Variants in STX8 observed in about 807,000 individuals in gnomAD.
STX8 encodes syntaxin 8, also known as syntaxin-8.
Under a neutral mutation model 37.5 loss-of-function variants are expected in STX8, and 23 were observed. The ratio of observed to expected loss-of-function variants is 0.61; its 90% CI spans 0.44 to 0.87. The LOEUF is 0.87. Ranked by LOEUF, STX8 falls within the 40% of genes least tolerant of loss-of-function variation. The probability of loss-of-function intolerance (pLI) is 0.00; values close to 1 mark genes in which losing one functional copy is unlikely to be tolerated. For missense variants in STX8, 313 were observed against 284.7 expected, an observed-to-expected ratio of 1.10 and a Z score of -0.71; for synonymous variants, 115 against 99.1, an observed-to-expected ratio of 1.16 and a Z score of -0.95.
chr17:9,566,725 T>C (rs541303485), intron 2 of STX8, among the ~76,000 whole-genome samples: 2 of 151,726 alleles, frequency 1.3e-5, no homozygotes, highest in South Asian at 2.1e-4. Context: ...AGGCAGAGGA[T>C]GCAGTGAGCC....
intron 6 of STX8, among the ~76,000 whole-genome samples, chr17:9,463,604 T>A (rs2142424476): frequency 6.6e-6 from 1 of 152,124 alleles, no homozygotes; most frequent in South Asian, 2.1e-4. Flanking sequence ...AAACTCCGTC[T>A]CTACTAAAAA....
chr17:9,524,638 C>T (rs564298171), intron 4 of STX8, among the ~76,000 whole-genome samples: 2 of 152,270 alleles, frequency 1.3e-5, no homozygotes, highest in East Asian at 3.9e-4. Flanking sequence ...TCAAGACATA[C>T]AAAAGTCAAG....
intron 6 of STX8, among the ~76,000 whole-genome samples, chr17:9,491,426 C>A (rs1906847249): frequency 2.6e-5 from 4 of 152,118 alleles, no homozygotes; most frequent in Admixed American, 2.0e-4. Flanking sequence ...GATCTTCAAA[C>A]CCTTTTTTGC....
Position 9,522,264 on chromosome 17 carries a change from G to A in STX8, c.324-17102C>T, listed in dbSNP as rs923549889. 2.0e-5 allele frequency among the ~76,000 whole-genome samples: 3 copies of A among 152,268 alleles called. No individual in the cohort carries two copies. In the South Asian group the frequency reaches 6.2e-4, roughly 32 times the overall value. On this transcript the variant is annotated intron_variant, in intron 4 of 7. Coordinates refer to ENST00000306357, the MANE Select transcript of STX8 (RefSeq NM_004853.3). ...CTGCTCTACCATATTTATGGTGACT[G>A]AGAGCCATCTGCTGGTTACAGTTTA...
intron 7 of STX8, among the ~76,000 whole-genome samples, chr17:9,251,404 CGA>C (rs1567754518): frequency 6.6e-6 from 1 of 152,222 alleles, no homozygotes; most frequent in Non-Finnish European, 1.5e-5. Context: ...CAGTATTTAA[CGA>C]GTGTTTACCA....
At chr17:9,419,820 A>T (rs1913357322) in intron 6 of STX8, among the ~76,000 whole-genome samples, 1 of 152,212 alleles carries the variant, frequency 6.6e-6, no homozygotes, top group Non-Finnish European at 1.5e-5. Context: ...AGAAATACAT[A>T]TCCAGTCTAA....
chr17:9,341,018 A>ATT (rs1408557348), intron 7 of STX8, among the ~76,000 whole-genome samples: 2 of 144,274 alleles, frequency 1.4e-5, no homozygotes, highest in East Asian at 3.9e-4. Context: ...ATAAATATAT[A>ATT]TTATATATAT....
At chr17:9,422,903 T>C (rs1223770906) in intron 6 of STX8, among the ~76,000 whole-genome samples, 1 of 152,218 alleles carries the variant, frequency 6.6e-6, no homozygotes, top group African/African-American at 2.4e-5. Flanking sequence ...TGGACATAAA[T>C]GTCTGTCATT....
In STX8 at chr17:9,505,202, T is replaced by C. The variant is rs762020955; in HGVS notation, c.324-40A>G. On this transcript the variant is annotated intron_variant, in intron 4 of 7. Coordinates refer to ENST00000306357, the MANE Select transcript of STX8 (RefSeq NM_004853.3). Reference sequence around the variant, plus strand: ...TAAATGCATGATATATCTCAAAACATGCAGCTCAAATGCAAATTACTCCCA... The same window carrying C: ...TAAATGCATGATATATCTCAAAACACGCAGCTCAAATGCAAATTACTCCCA... The C allele has an allele frequency of 2.5e-6, 4 of 1,574,754 alleles. No homozygotes were observed. In the South Asian group the frequency reaches 4.7e-5, roughly 18 times the overall value.
At chr17:9,568,074 T>C (rs1907529552) in intron 2 of STX8, among the ~76,000 whole-genome samples, 1 of 152,224 alleles carries the variant, frequency 6.6e-6, no homozygotes, top group Non-Finnish European at 1.5e-5. Flanking sequence ...CATTATCTCT[T>C]GGCCTGCAAA....
intron 7 of STX8, among the ~76,000 whole-genome samples, chr17:9,293,295 T>A: frequency 6.6e-6 from 1 of 152,136 alleles, no homozygotes; most frequent in Non-Finnish European, 1.5e-5. Context: ...ATCTAAGGGA[T>A]GCTCGAGGTC....
intron 7 of STX8, chr17:9,305,434 G>A (rs574834736): frequency 6.6e-6 from 1 of 152,284 alleles, no homozygotes; most frequent in East Asian, 1.9e-4. Context: ...ACTTGTGCTT[G>A]ATGATTTTGC....
chr17:9,292,800 T>C (rs964038759), intron 7 of STX8, among the ~76,000 whole-genome samples: 1 of 152,222 alleles, frequency 6.6e-6, no homozygotes, highest in African/African-American at 2.4e-5. Flanking sequence ...CCTCGCTGAA[T>C]GCTCTCTGGC....
chr17:9,467,732 G>A (rs556328435), intron 6 of STX8, among the ~76,000 whole-genome samples: 1 of 152,300 alleles, frequency 6.6e-6, no homozygotes, highest in East Asian at 1.9e-4. Flanking sequence ...GTGGCTCGGG[G>A]CATGGAAGAG....
At chr17:9,433,229 G>C (rs1005338363) in intron 6 of STX8, among the ~76,000 whole-genome samples, 1 of 152,254 alleles carries the variant, frequency 6.6e-6, no homozygotes, top group Admixed American at 6.5e-5. Flanking sequence ...CCCCAGGCCA[G>C]TGTGGGTTCA....
chr17:9,269,186 CA>C (rs34395133), intron 7 of STX8, among the ~76,000 whole-genome samples: 60,696 of 123,834 alleles, frequency 0.49, 15,383 homozygotes, highest in African/African-American at 0.77. Context: ...GACTCCGTCT[CA>C]AAAAAAAAAA....
intron 4 of STX8, among the ~76,000 whole-genome samples, chr17:9,531,538 T>TGA (rs956385664): frequency 1.7e-4 from 26 of 151,078 alleles, no homozygotes; most frequent in African/African-American, 2.4e-4. Context: ...TAAGATATTT[T>TGA]GAGAGAGAGA....
At chr17:9,387,037 A>G (rs974151163) in intron 6 of STX8, among the ~76,000 whole-genome samples, 15 of 151,864 alleles carry the variant, frequency 9.9e-5, no homozygotes, top group Non-Finnish European at 1.9e-4. Flanking sequence ...TTTCTAGACC[A>G]ACACAATATC....
rs747118798 is a variant in STX8 at position 9,568,470 on chromosome 17, C to A, written c.18G>T (p.Trp6Cys). 6.2e-7 allele frequency: 1 copy of A among 1,610,474 alleles called. No homozygotes were observed. Among genetic ancestry groups the A allele is most frequent in the South Asian group, 1.1e-5 (1 of 90,468 alleles). The change falls in exon 2 of 8, where the codon TGG becomes TGT. Residue 6 changes from tryptophan to cysteine, a missense_variant and splice_region_variant. By Grantham distance (215) the Trp-to-Cys change is radical (BLOSUM62 -2). Transcript: ENST00000306357. ...GACAAGTAGAATCGTATGTGGAGAA[C>A]CTGCACCAAAGTCGTAAAAAGAGAA... MAPDP[W>C]FSTYDSTCQI...
Sources: gnomAD v4.1 joint callset for allele counts (sites outside exome capture counted in the v4.1 genomes callset) on GRCh38, gnomAD v4.1.1 for gene constraint, MANE v1.5 for transcripts, NCBI Gene and HGNC (gene_info 2026-07-23, HGNC 2026-07-21) for gene names.